The following SVBP variants were observed in gnomAD, a reference collection of about 807,000 sequenced individuals.
SVBP encodes the protein small vasohibin-binding protein.
In SVBP, 9 loss-of-function variants were observed where a neutral mutation model predicts 9.2. The ratio of observed to expected loss-of-function variants is 0.98; its 90% CI spans 0.59 to 1.71. The LOEUF (loss-of-function observed/expected upper bound fraction) is 1.71. Among genes scored for constraint, SVBP ranks in the 40% most tolerant of loss-of-function variants. SVBP has a pLI of 0.00. For synonymous variants in SVBP, 27 were observed against 23.9 expected, an observed-to-expected ratio of 1.13 and a Z score of -0.37; for missense variants, 63 against 73.2, an observed-to-expected ratio of 0.86 and a Z score of 0.51.
Position 42,817,346 on chromosome 1 carries a change from A to C in SVBP, c.-193T>G. ...GGCCGCGCGCCGGGGGGAGGGGCGC[A>C]GGGCCGAGCGCCAGGAGGCTTCCGC... is the stretch of plus-strand genomic sequence containing the variant. On this transcript the variant is annotated 5_prime_UTR_variant, in exon 1 of 3. Transcript: ENST00000372521. The C allele has an allele frequency of 1.2e-6, 1 of 853,202 alleles. No individual in the cohort carries two copies. Among genetic ancestry groups the C allele is most frequent in the Non-Finnish European group, 1.5e-6 (1 of 671,936 alleles). The allele number at this position is 853,202 out of a possible 1,614,324, so 52.9% of individuals were successfully genotyped here. A position where few individuals can be genotyped will look rare whatever the true frequency, so the allele number is the denominator to read the frequency against.
At chr1:42,816,749 A>T (rs1654222219) in intron 1 of SVBP, 169 bp from the exon 2 acceptor site, 1 of 530,198 alleles carries the variant, frequency 1.9e-6, no homozygotes, top group African/African-American at 1.9e-5. Flanking sequence ...TCCCAAGGCC[A>T]CAACCTCGCT....
rs201963218 is a variant in SVBP, at chr1:42,807,145, T to TTG, written c.*267_*268dup. 3,586 of 256,638 alleles carry TTG rather than the reference T, an allele frequency of 0.014. 92 individuals carry two copies. The highest frequency in any genetic ancestry group is 0.14 in the South Asian group (704 of 5,086). The allele number at this position is 256,638 out of a possible 1,614,324, so 15.9% of individuals were successfully genotyped here. On this transcript the variant is annotated 3_prime_UTR_variant, in exon 3 of 3. Transcript: ENST00000372521. ...TCTCAAACAATAGAAAAAGTGTTTT[T>TTG]TGTGTGTGTTTTTTTTTTTTTTTTA...
chr1:42,817,253 G>A lies in SVBP; in HGVS notation c.-100C>T, dbSNP rs1654249162. ...GAGTCGCAGACAACGCCTCCGGGAG[G>A]GTAATCCTCGCCTTCCCCCGACCAC... On this transcript the variant is annotated 5_prime_UTR_variant, in exon 1 of 3. Transcript: ENST00000372521. The A allele has an allele frequency of 5.6e-6, 7 of 1,251,236 alleles. No individual in the cohort carries two copies. The highest frequency in any genetic ancestry group is 6.2e-6 in the Non-Finnish European group (6 of 971,288). The allele number at this position is 1,251,236 out of a possible 1,614,324, so 77.5% of individuals were successfully genotyped here.
Position 42,816,572 on chromosome 1 carries a change from G to C in SVBP, c.-28C>G. The C allele has an allele frequency of 6.7e-7, 1 of 1,494,142 alleles. No individual in the cohort carries two copies. The allele number at this position is 1,494,142 out of a possible 1,614,324, so 92.6% of individuals were successfully genotyped here. On this transcript the variant is annotated 5_prime_UTR_variant, in exon 2 of 3. Coordinates refer to ENST00000372521, the MANE Select transcript of SVBP (RefSeq NM_199342.4). ...CTTGACTTCTGGATATTTCTTAGGAGGCTCTGATCTGGGTGGTACAGAAAG... is the reference window on the plus strand; with the variant it reads ...CTTGACTTCTGGATATTTCTTAGGACGCTCTGATCTGGGTGGTACAGAAAG...
chr1:42,807,150 TGTG>T lies in SVBP; in HGVS notation c.*261_*263del, dbSNP rs1167900598. On this transcript the variant is annotated 3_prime_UTR_variant, in exon 3 of 3. Transcript: ENST00000372521. ...AACAATAGAAAAAGTGTTTTTTGTG[TGTG>T]TTTTTTTTTTTTTTTTAAAAAAACC... 10 of 270,420 alleles carry T rather than the reference TGTG, an allele frequency of 3.7e-5. No individual in the cohort carries two copies. The highest frequency in any genetic ancestry group is 2.5e-4 in the African/African-American group (9 of 35,504). 16.8% of individuals were successfully genotyped at this position (270,420 alleles called of 1,614,324 possible).
At chr1:42,808,706 T>C (rs1161927212) in intron 2 of SVBP, among the ~76,000 whole-genome samples, 1 of 151,524 alleles carries the variant, frequency 6.6e-6, no homozygotes, top group African/African-American at 2.4e-5. Context: ...ATGAGCTATA[T>C]ATATATTTCA....
At chr1:42,813,651 C>T (rs143584594) in intron 2 of SVBP, 273 of 529,134 alleles carry the variant, frequency 5.2e-4, no homozygotes, top group African/African-American at 4.7e-3. Context: ...GCAACTGGTT[C>T]TCCATTTCCC....
chr1:42,816,402 G>C, intron 2 of SVBP, 29 bp downstream of exon 2: 1 of 1,439,478 alleles, frequency 6.9e-7, no homozygotes, highest in Non-Finnish European at 9.8e-7. Context: ...GCAGACTACA[G>C]GCATACAGAG....
At chr1:42,808,147 GTGTATA>G (rs1234048376) in intron 2 of SVBP, among the ~76,000 whole-genome samples, 10 of 53,908 alleles carry the variant, frequency 1.9e-4, no homozygotes, top group African/African-American at 8.1e-4. Context: ...GTGTGTGTGT[GTGTATA>G]TATATATATA....
intron 2 of SVBP, among the ~76,000 whole-genome samples, chr1:42,812,091 G>A (rs1477345210): frequency 1.3e-5 from 2 of 149,612 alleles, no homozygotes; most frequent in Non-Finnish European, 3.0e-5. Flanking sequence ...TCATTCAACC[G>A]AGCAGTTTAA....
intron 2 of SVBP, chr1:42,816,108 G>C: frequency 4.0e-6 from 1 of 246,982 alleles, no homozygotes. Context: ...CTGTACTGGG[G>C]GTGTCTGACA....
At chr1:42,811,767 A>C (rs996078802) in intron 2 of SVBP, among the ~76,000 whole-genome samples, 16 of 152,178 alleles carry the variant, frequency 1.1e-4, no homozygotes, top group Non-Finnish European at 2.9e-5. Flanking sequence ...CCAACGTCAC[A>C]TGGAAGAACT....
intron 2 of SVBP, 44 bp from the exon 3 acceptor site, chr1:42,807,544 T>G (rs748342140): frequency 6.9e-7 from 1 of 1,450,506 alleles, no homozygotes; most frequent in Non-Finnish European, 9.7e-7. Flanking sequence ...TGGAAGCAGC[T>G]GCACAAAGCA....
At position 42,810,340 on chromosome 1, in the gene SVBP, A is replaced by G. The variant is rs541849521; in HGVS notation, c.115-2840T>C. On this transcript the variant is annotated intron_variant, in intron 2 of 2. Coordinates refer to ENST00000372521, the MANE Select transcript of SVBP (RefSeq NM_199342.4). ...TTTTTTGTATTTTAGTAGAGACGGG[A>G]TTTCACCATGTTGGCCAGGATGGTC... Among the ~76,000 whole-genome samples the G allele has an allele frequency of 2.2e-3, 333 of 151,898 alleles. 1 individual carries two copies. The highest frequency in any genetic ancestry group is 3.7e-3 in the Non-Finnish European group (250 of 67,974).
At chr1:42,808,857 C>T (rs7541189) in intron 2 of SVBP, among the ~76,000 whole-genome samples, 6,489 of 152,100 alleles carry the variant, frequency 0.043, 201 homozygotes, top group African/African-American at 0.078. Context: ...CCACCAAACC[C>T]GGCTAAGTTT....
At chr1:42,816,326 T>G in intron 2 of SVBP, 105 bp downstream of exon 2, 1 of 827,970 alleles carries the variant, frequency 1.2e-6, no homozygotes, top group Non-Finnish European at 2.0e-6. Flanking sequence ...CCATCCTGCC[T>G]GGAGGCAAGT....
chr1:42,810,397 T>C (rs751846797), intron 2 of SVBP, among the ~76,000 whole-genome samples: 6 of 152,074 alleles, frequency 3.9e-5, no homozygotes, highest in Non-Finnish European at 8.8e-5. Context: ...CTGCCCACCT[T>C]GGCCTCCCAA....
intron 2 of SVBP, among the ~76,000 whole-genome samples, chr1:42,809,989 A>G (rs554019781): frequency 3.5e-4 from 54 of 152,286 alleles, no homozygotes; most frequent in Admixed American, 2.3e-3. Flanking sequence ...AGGGTGAGGT[A>G]CATGACCAGG....
intron 1 of SVBP, chr1:42,816,964 A>T (rs1478356404): frequency 5.8e-6 from 1 of 173,602 alleles, no homozygotes; most frequent in Non-Finnish European, 1.1e-5. Flanking sequence ...GAGGGCGCCC[A>T]GGGTTTTCCC....
Sources: allele counts gnomAD v4.1 joint callset (sites outside exome capture counted in the v4.1 genomes callset), GRCh38; gene constraint gnomAD v4.1.1; transcripts MANE v1.5; gene names NCBI Gene and HGNC (gene_info 2026-07-23, HGNC 2026-07-21).